PRKN: variants seen among roughly 807,000 people sequenced by gnomAD.
PRKN encodes parkin RBR E3 ubiquitin protein ligase.
A neutral mutation model predicts 59.5 loss-of-function variants in PRKN; 56 were observed. That is an observed-to-expected ratio of 0.94 (90% CI 0.76 to 1.18). The LOEUF (loss-of-function observed/expected upper bound fraction) is 1.18. Among genes scored for constraint, PRKN ranks in the 50% most tolerant of loss-of-function variants. The probability of loss-of-function intolerance (pLI) is 0.00; values close to 1 mark genes in which losing one functional copy is unlikely to be tolerated. For synonymous variants in PRKN, 250 were observed against 222.1 expected (o/e 1.13, Z -1.12); for missense variants, 657 against 596.4 (o/e 1.10, Z -1.06).
chr6:161,873,497 G>A (rs967415198), intron 6 of PRKN, among the ~76,000 whole-genome samples: 10 of 151,850 alleles, frequency 6.6e-5, no homozygotes. Flanking sequence ...AAATTCCGAG[G>A]AATGGAAAGG....
At chr6:161,590,534 A>C (rs763795999) in intron 7 of PRKN, among the ~76,000 whole-genome samples, 40 of 152,238 alleles carry the variant, frequency 2.6e-4, no homozygotes, top group Non-Finnish European at 5.1e-4. Flanking sequence ...GGAGTTCATG[A>C]CCAGTCTGGC....
chr6:162,229,292 T>C (rs1054429834), intron 3 of PRKN, among the ~76,000 whole-genome samples: 2 of 152,170 alleles, frequency 1.3e-5, no homozygotes, highest in Non-Finnish European at 2.9e-5. Context: ...TGATTCATCC[T>C]TAATTTCTCT....
intron 5 of PRKN, among the ~76,000 whole-genome samples, chr6:162,011,906 T>C (rs111820954): frequency 6.6e-6 from 1 of 151,294 alleles, no homozygotes; most frequent in Non-Finnish European, 1.5e-5. Context: ...TGTGAGAACT[T>C]TGGAGAAATA....
intron 7 of PRKN, among the ~76,000 whole-genome samples, chr6:161,725,456 A>G (rs1403091029): frequency 6.6e-6 from 1 of 152,220 alleles, no homozygotes; most frequent in Non-Finnish European, 1.5e-5. Flanking sequence ...ATTAGATTCC[A>G]GAAGGGTTCA....
At chr6:161,933,445 T>C (rs1030011941) in intron 6 of PRKN, among the ~76,000 whole-genome samples, 6 of 152,238 alleles carry the variant, frequency 3.9e-5, no homozygotes, top group Non-Finnish European at 7.3e-5. Flanking sequence ...ATATCCTGAA[T>C]GTTTGGCTTA....
chr6:162,170,574 A>T (rs1029998433), intron 4 of PRKN, among the ~76,000 whole-genome samples: 6 of 152,236 alleles, frequency 3.9e-5, no homozygotes, highest in Non-Finnish European at 7.3e-5. Flanking sequence ...CATTAAAAGT[A>T]TAACAGGTCA....
chr6:161,680,775 A>ATTTTTTTTTTTTTTTTTT (rs869253616), intron 7 of PRKN, among the ~76,000 whole-genome samples: 1 of 30,628 alleles, frequency 3.3e-5, no homozygotes, highest in African/African-American at 1.2e-4. Context: ...ATATATATAT[A>ATTTTTTTTTTTTTTTTTT]TTTTTTTTTT....
chr6:161,451,499 C>T lies in PRKN; in HGVS notation c.1084-64622G>A, dbSNP rs1221325635. ...AGGCAACGCAGCCTCAGGATACCAC[C>T]TGCCCACGGCCCACCTGAGGGAACC... On this transcript the variant is annotated intron_variant, in intron 9 of 11. Transcript: ENST00000366898. This position sits in a 1 kb window ranked among gnomAD's most constrained non-coding sequence, Gnocchi z 5.9. Among the ~76,000 whole-genome samples the T allele has an allele frequency of 1.3e-5, 2 of 152,188 alleles. No individual in the cohort carries two copies. The highest frequency in any genetic ancestry group is 2.4e-5 in the African/African-American group (1 of 41,430).
At chr6:161,756,629 TTA>T (rs1788939156) in intron 7 of PRKN, among the ~76,000 whole-genome samples, 1 of 151,944 alleles carries the variant, frequency 6.6e-6, no homozygotes, top group Non-Finnish European at 1.5e-5. Flanking sequence ...CTTGCTGTCT[TTA>T]TGTCTTTCTT....
At chr6:161,981,607 TA>T (rs768134721) in intron 5 of PRKN, among the ~76,000 whole-genome samples, 7 of 152,196 alleles carry the variant, frequency 4.6e-5, no homozygotes, top group Non-Finnish European at 7.3e-5. Flanking sequence ...AAAAAGCCTT[TA>T]AAATAGCCAT....
chr6:161,789,902 T>C (rs3016557), intron 6 of PRKN, among the ~76,000 whole-genome samples: 131,427 of 151,820 alleles, frequency 0.87, 57,583 homozygotes, highest in East Asian at 0.95. Flanking sequence ...TGCTCTCATT[T>C]ACATGTTGTT....
intron 1 of PRKN, among the ~76,000 whole-genome samples, chr6:162,512,918 G>A (rs922554676): frequency 3.3e-5 from 5 of 152,154 alleles, no homozygotes; most frequent in African/African-American, 4.8e-5. Flanking sequence ...ATGCACAACA[G>A]TACTAACTGT....
chr6:162,594,061 A>G (rs1781404723), intron 1 of PRKN, among the ~76,000 whole-genome samples: 1 of 152,072 alleles, frequency 6.6e-6, no homozygotes. Context: ...GAGGCAGGAG[A>G]ATCACTTGAA....
At chr6:162,678,743 C>T (rs945947753) in intron 1 of PRKN, among the ~76,000 whole-genome samples, 2 of 152,076 alleles carry the variant, frequency 1.3e-5, no homozygotes, top group Middle Eastern at 3.4e-3. Flanking sequence ...CAAGTCCTGA[C>T]TTGTCTTTTC....
intron 5 of PRKN, among the ~76,000 whole-genome samples, chr6:162,036,249 G>A (rs1450677116): frequency 6.6e-6 from 1 of 151,546 alleles, no homozygotes; most frequent in African/African-American, 2.4e-5. Context: ...GCGTGAACCC[G>A]GGAGGCGGAG....
intron 7 of PRKN, among the ~76,000 whole-genome samples, chr6:161,691,152 T>C (rs375761142): frequency 2.6e-5 from 4 of 152,202 alleles, no homozygotes; most frequent in African/African-American, 7.2e-5. Context: ...ATTGGTTCTG[T>C]TTCTCCAGAG....
chr6:162,387,623 C>T (rs1349295764), intron 2 of PRKN, among the ~76,000 whole-genome samples: 1 of 135,862 alleles, frequency 7.4e-6, no homozygotes, highest in African/African-American at 2.8e-5. Context: ...TTCCACTTGT[C>T]TGCAAATAGT....
At chr6:162,478,919 G>A (rs528724242) in intron 1 of PRKN, among the ~76,000 whole-genome samples, 39 of 152,182 alleles carry the variant, frequency 2.6e-4, no homozygotes, top group Non-Finnish European at 4.1e-4. Flanking sequence ...GTTGCTCTGG[G>A]TGATCAGGGA....
chr6:161,628,236 A>C (rs1217310408), intron 7 of PRKN, among the ~76,000 whole-genome samples: 2 of 152,234 alleles, frequency 1.3e-5, no homozygotes, highest in Non-Finnish European at 2.9e-5. Flanking sequence ...TGAGTGTCTT[A>C]GTCTGCTCAT....
Sources: gnomAD v4.1 joint callset for allele counts (sites outside exome capture counted in the v4.1 genomes callset) on GRCh38, gnomAD v4.1.1 for gene constraint, Gnocchi (gnomAD v3.1) non-coding constraint, MANE v1.5 for transcripts, NCBI Gene and HGNC (gene_info 2026-07-23, HGNC 2026-07-21) for gene names.